LIN28B: variants seen among roughly 807,000 people sequenced by gnomAD.
The protein encoded by LIN28B is protein lin-28 homolog B.
In LIN28B, 5 loss-of-function variants were observed where a neutral mutation model predicts 21.9. That is an observed-to-expected ratio of 0.23 (90% CI 0.12 to 0.48). The LOEUF (loss-of-function observed/expected upper bound fraction) is 0.48, where lower values mean the gene tolerates loss of function less well. LIN28B is among the 20% of genes least tolerant of loss of function. The pLI, the probability that LIN28B is intolerant of heterozygous loss-of-function variation, is 0.98. For synonymous variants in LIN28B, 109 were observed against 111.3 expected (o/e 0.98, Z 0.13); for missense variants, 245 against 310.5 (o/e 0.79, Z 1.58).
intron 2 of LIN28B, among the ~76,000 whole-genome samples, chr6:104,943,038 G>T (rs1743591837): frequency 6.6e-6 from 1 of 151,784 alleles, no homozygotes; most frequent in South Asian, 2.1e-4. Context: ...AATTAGTCAA[G>T]ATTTAAATTT....
chr6:105,068,189 T>C (rs1203350128), intron 3 of LIN28B, among the ~76,000 whole-genome samples: 5 of 152,200 alleles, frequency 3.3e-5, no homozygotes, highest in African/African-American at 7.2e-5. Flanking sequence ...CAGGAGAAGA[T>C]ATTAAATGAG....
intron 2 of LIN28B, among the ~76,000 whole-genome samples, chr6:105,023,585 T>A (rs1421070938): frequency 8.2e-5 from 2 of 24,378 alleles, no homozygotes; most frequent in African/African-American, 2.9e-4. Flanking sequence ...TAATATATAT[T>A]ATATATATTA....
chr6:105,043,372 A>C (rs1487214797), intron 3 of LIN28B, among the ~76,000 whole-genome samples: 1 of 126,584 alleles, frequency 7.9e-6, no homozygotes, highest in African/African-American at 3.2e-5. Context: ...AAAAAAAAAA[A>C]GAAAACTAAA....
chr6:104,967,073 C>G (rs1292212915), intron 2 of LIN28B, among the ~76,000 whole-genome samples: 1 of 151,800 alleles, frequency 6.6e-6, no homozygotes, highest in Non-Finnish European at 1.5e-5. Context: ...TGGCCTCACT[C>G]TGGTTTTCTT....
upstream of LIN28B, among the ~76,000 whole-genome samples, chr6:104,956,798 A>T (rs1307697266): frequency 6.6e-6 from 1 of 152,174 alleles, no homozygotes; most frequent in Non-Finnish European, 1.5e-5. Flanking sequence ...GTGCACATAT[A>T]TGACTGCCTT....
At chr6:104,947,181 G>A (rs1778166065) in intron 2 of LIN28B, among the ~76,000 whole-genome samples, 1 of 152,152 alleles carries the variant, frequency 6.6e-6, no homozygotes, top group Non-Finnish European at 1.5e-5. Flanking sequence ...CTGGAGTGGA[G>A]TGGCGGGATC....
intron 2 of LIN28B, among the ~76,000 whole-genome samples, chr6:104,996,157 T>C (rs2114280382): frequency 6.6e-6 from 1 of 152,080 alleles, no homozygotes; most frequent in African/African-American, 2.4e-5. Flanking sequence ...TTGCAGAGGG[T>C]TAAGGAAGCA....
chr6:105,000,074 A>G (rs1228877246), intron 2 of LIN28B, among the ~76,000 whole-genome samples: 1 of 151,968 alleles, frequency 6.6e-6, no homozygotes, highest in Non-Finnish European at 1.5e-5. Flanking sequence ...TTTTGTCTCT[A>G]TTTTTTTAAT....
intron 2 of LIN28B, among the ~76,000 whole-genome samples, chr6:104,990,564 T>A (rs1168772467): frequency 1.9e-5 from 2 of 106,332 alleles, no homozygotes; most frequent in African/African-American, 6.3e-5. Flanking sequence ...TGTTTTTTAT[T>A]TTTTATTTTT....
chr6:104,963,385 A>G (rs182868223), intron 2 of LIN28B, among the ~76,000 whole-genome samples: 5 of 152,244 alleles, frequency 3.3e-5, no homozygotes, highest in Admixed American at 3.3e-4. Flanking sequence ...AGATTTCTTA[A>G]TGTAGCCCTA....
In LIN28B at chr6:104,957,135, C is replaced by A. The variant is rs577791867; in HGVS notation, c.-116C>A. On this transcript the variant is annotated 5_prime_UTR_variant, in exon 1 of 4. Transcript: ENST00000345080. Reference sequence around the variant, plus strand: ...AAGAAGGAAAGCACATTAGACCATGCGAGCTAAATTTGTGATCGCACAAAA... The same window carrying A: ...AAGAAGGAAAGCACATTAGACCATGAGAGCTAAATTTGTGATCGCACAAAA... The A allele has an allele frequency of 3.7e-6, 6 of 1,608,754 alleles. No individual in the cohort carries two copies. Among genetic ancestry groups the A allele is most frequent in the East Asian group, 2.2e-5 (1 of 44,578 alleles).
intron 2 of LIN28B, among the ~76,000 whole-genome samples, chr6:104,995,980 T>A (rs1019900482): frequency 5.2e-4 from 78 of 150,034 alleles, no homozygotes; most frequent in Admixed American, 9.3e-4. Flanking sequence ...TATATATATA[T>A]AAAATACACA....
chr6:105,046,861 GTTGT>G (rs1330745656), intron 3 of LIN28B, among the ~76,000 whole-genome samples: 2 of 152,120 alleles, frequency 1.3e-5, no homozygotes, highest in Non-Finnish European at 2.9e-5. Flanking sequence ...TGTTGGTGGG[GTTGT>G]TTGTTTTTTT....
chr6:104,944,234 A>G (rs550351185), intron 2 of LIN28B, among the ~76,000 whole-genome samples: 3 of 152,162 alleles, frequency 2.0e-5, no homozygotes, highest in Non-Finnish European at 4.4e-5. Context: ...TTGATTTTGA[A>G]TAATGTCAGT....
At chr6:105,006,813 C>G (rs1047702150) in intron 2 of LIN28B, among the ~76,000 whole-genome samples, 1 of 152,160 alleles carries the variant, frequency 6.6e-6, no homozygotes, top group East Asian at 1.9e-4. Flanking sequence ...AGATTTTGCA[C>G]TAGCTAGCTC....
intron 3 of LIN28B, 71 bp from the exon 4 acceptor site, chr6:105,078,343 T>G: frequency 1.4e-6 from 2 of 1,393,670 alleles, no homozygotes; most frequent in Non-Finnish European, 2.0e-6. Flanking sequence ...TTGTGTGTTT[T>G]CACATTTTAA....
intron 2 of LIN28B, among the ~76,000 whole-genome samples, chr6:104,949,203 TTAAATA>T (rs1199448913): frequency 6.6e-6 from 1 of 152,186 alleles, no homozygotes; most frequent in Non-Finnish European, 1.5e-5. Context: ...TGTACAATAA[TTAAATA>T]TACTCACACA....
At chr6:105,063,504 C>T (rs1306710262) in intron 3 of LIN28B, among the ~76,000 whole-genome samples, 11 of 151,966 alleles carry the variant, frequency 7.2e-5, no homozygotes, top group East Asian at 1.9e-4. Flanking sequence ...GGCATGGTGG[C>T]GCATGCCTGT....
At chr6:104,941,522 C>T (rs1466563351) in intron 2 of LIN28B, 3 of 150,310 alleles carry the variant, frequency 2.0e-5, no homozygotes, top group Admixed American at 6.6e-5. Context: ...GGCTGGGGTC[C>T]CGGCGGCGGG....
Sources: allele counts gnomAD v4.1 joint callset (sites outside exome capture counted in the v4.1 genomes callset), GRCh38; gene constraint gnomAD v4.1.1; transcripts MANE v1.5; gene names NCBI Gene and HGNC (gene_info 2026-07-23, HGNC 2026-07-21).